The following KIAA1328 variants were observed in gnomAD, a reference collection of about 807,000 sequenced individuals.
KIAA1328 encodes KIAA1328.
Under a neutral mutation model 68.1 loss-of-function variants are expected in KIAA1328, and 52 were observed. The observed-to-expected ratio is 0.76, with a 90% confidence interval of 0.61 to 0.96. The LOEUF (loss-of-function observed/expected upper bound fraction) is 0.96, where lower values mean the gene tolerates loss of function less well. Ranked by LOEUF, KIAA1328 falls within the 40% of genes least tolerant of loss-of-function variation. KIAA1328 has a pLI of 0.00. For missense variants in KIAA1328, 641 were observed against 677.6 expected (o/e 0.95, Z 0.60); for synonymous variants, 232 against 239.4 (o/e 0.97, Z 0.28).
intron 5 of KIAA1328, among the ~76,000 whole-genome samples, chr18:36,903,865 G>A (rs373749312): frequency 7.2e-5 from 11 of 152,170 alleles, no homozygotes; most frequent in African/African-American, 2.6e-4. Flanking sequence ...TACAAGCATA[G>A]TCTATGGGTT....
intron 5 of KIAA1328, among the ~76,000 whole-genome samples, chr18:36,904,589 A>G (rs990073761): frequency 6.6e-6 from 1 of 152,102 alleles, no homozygotes; most frequent in South Asian, 2.1e-4. Flanking sequence ...TATATGCTAT[A>G]ACTTTTAAAC....
intron 5 of KIAA1328, among the ~76,000 whole-genome samples, chr18:36,910,203 A>G (rs934147583): frequency 2.6e-5 from 4 of 152,034 alleles, no homozygotes; most frequent in African/African-American, 7.2e-5. Flanking sequence ...GCCCATGCCT[A>G]TGTCCTGAAT....
At chr18:37,002,357 T>A (rs2053622477) in intron 6 of KIAA1328, among the ~76,000 whole-genome samples, 1 of 151,136 alleles carries the variant, frequency 6.6e-6, no homozygotes, top group Admixed American at 6.6e-5. Context: ...CATAGGCATG[T>A]GCTACCATGT....
At chr18:36,852,717 A>G (rs914085581) in intron 4 of KIAA1328, among the ~76,000 whole-genome samples, 2 of 152,098 alleles carry the variant, frequency 1.3e-5, no homozygotes, top group African/African-American at 4.8e-5. Context: ...TATCATTTCT[A>G]TGTTCATCCC....
At chr18:36,981,741 G>A (rs2052696171) in intron 6 of KIAA1328, among the ~76,000 whole-genome samples, 1 of 148,492 alleles carries the variant, frequency 6.7e-6, no homozygotes, top group African/African-American at 2.5e-5. Flanking sequence ...TGCACAACAC[G>A]ACACCTGGCT....
chr18:36,938,259 A>G (rs2050579878), intron 5 of KIAA1328, among the ~76,000 whole-genome samples: 2 of 152,118 alleles, frequency 1.3e-5, no homozygotes, highest in South Asian at 2.1e-4. Context: ...CCTCACCAGC[A>G]CTTGTTATCT....
intron 7 of KIAA1328, among the ~76,000 whole-genome samples, chr18:37,091,373 T>G (rs959857351): frequency 6.6e-6 from 1 of 152,158 alleles, no homozygotes. Context: ...AAAAGTGAAG[T>G]AAATCACCAC....
At position 37,066,962 on chromosome 18, in the gene KIAA1328, C is replaced by G. The variant is rs1195238825; in HGVS notation, c.649C>G (p.Pro217Ala). The change falls in exon 7 of 10, where the codon CCA (proline) becomes GCA (alanine). Residue 217 changes from proline to alanine, a missense_variant. By Grantham distance (27) the Pro-to-Ala change is conservative (BLOSUM62 -1). Coordinates refer to ENST00000280020, the MANE Select transcript of KIAA1328 (RefSeq NM_020776.3). Reference sequence around the variant, plus strand: ...TGGTTCCTACTTGAGCATAGCCAGACCACAGACCTACTATCAAACCAAGCA... The same window carrying G: ...TGGTTCCTACTTGAGCATAGCCAGAGCACAGACCTACTATCAAACCAAGCA... ...LDGSYLSIAR[P>A]QTYYQTKQRP... 6.2e-7 allele frequency: 1 copy of G among 1,612,802 alleles called. No individual in the cohort carries two copies.
At chr18:37,053,292 A>G (rs2055775958) in intron 6 of KIAA1328, among the ~76,000 whole-genome samples, 1 of 152,212 alleles carries the variant, frequency 6.6e-6, no homozygotes. Flanking sequence ...TATGCAGAGG[A>G]AAGAAACTGG....
In KIAA1328 at chr18:37,077,045, A is replaced by G. The variant is rs2056764479; in HGVS notation, c.1232+9500A>G. Among the ~76,000 whole-genome samples, 3 of 152,120 alleles carry G rather than the reference A, an allele frequency of 2.0e-5. No individual in the cohort carries two copies. In the South Asian group the frequency reaches 6.2e-4, roughly 31 times the overall value. On this transcript the variant is annotated intron_variant, in intron 7 of 9. Transcript: ENST00000280020. The stretch of plus-strand genomic sequence containing the variant: ...AGACACAACCAAAAAAGAGAATTTT[A>G]GACCAATATCCTTGATGAACATTGC...
Position 37,222,413 on chromosome 18 carries a change from T to G in KIAA1328, c.*186T>G, listed in dbSNP as rs542567995. 2.3e-5 allele frequency: 33 copies of G among 1,429,964 alleles called. No homozygotes were observed. In the South Asian group the frequency reaches 4.8e-4, roughly 21 times the overall value. 88.6% of individuals were successfully genotyped at this position (1,429,964 alleles called of 1,614,324 possible). On this transcript the variant is annotated 3_prime_UTR_variant, in exon 10 of 10. Transcript: ENST00000280020. ...AGGTTATTTTCAATCAGACCAGGCA[T>G]TCGATAACACACTAAGGGGGTAGGA...
intron 7 of KIAA1328, among the ~76,000 whole-genome samples, chr18:37,149,235 A>C (rs2058974790): frequency 1.3e-5 from 2 of 152,202 alleles, no homozygotes; most frequent in African/African-American, 4.8e-5. Flanking sequence ...ATGGAACAGA[A>C]TAGAAGACAC....
chr18:36,927,519 GGCAGATCACTTGA>G (rs1431803570), intron 5 of KIAA1328, among the ~76,000 whole-genome samples: 1 of 152,168 alleles, frequency 6.6e-6, no homozygotes, highest in Non-Finnish European at 1.5e-5. Context: ...GGCTGCTACA[GGCAGATCACTTGA>G]GCTCAGGTGT....
intron 4 of KIAA1328, among the ~76,000 whole-genome samples, chr18:36,871,158 A>G (rs976320757): frequency 6.6e-6 from 1 of 152,146 alleles, no homozygotes; most frequent in Admixed American, 6.5e-5. Context: ...GGAATTTGAA[A>G]CCTACAGTGC....
intron 7 of KIAA1328, among the ~76,000 whole-genome samples, chr18:37,128,367 G>A (rs935437388): frequency 1.2e-4 from 19 of 152,152 alleles, no homozygotes; most frequent in African/African-American, 2.4e-4. Flanking sequence ...CCAGGTTCTC[G>A]GGAAGCTGAG....
At chr18:37,118,718 C>G (rs550222941) in intron 7 of KIAA1328, among the ~76,000 whole-genome samples, 23 of 152,260 alleles carry the variant, frequency 1.5e-4, no homozygotes, top group African/African-American at 5.3e-4. Flanking sequence ...TTTGGAACCT[C>G]TAGACCAACA....
chr18:37,126,868 A>C (rs2058404081), intron 7 of KIAA1328, among the ~76,000 whole-genome samples: 1 of 152,204 alleles, frequency 6.6e-6, no homozygotes, highest in Non-Finnish European at 1.5e-5. Flanking sequence ...CAACAAATGC[A>C]AAAAGTTGAC....
intron 7 of KIAA1328, chr18:37,084,428 T>A (rs1405582218): frequency 2.9e-6 from 1 of 349,874 alleles, no homozygotes; most frequent in Non-Finnish European, 5.0e-6. Context: ...TCCTACAACT[T>A]TGAGAGAATC....
chr18:36,919,275 C>T (rs901701722), intron 5 of KIAA1328, among the ~76,000 whole-genome samples: 4 of 152,142 alleles, frequency 2.6e-5, no homozygotes, highest in Non-Finnish European at 5.9e-5. Flanking sequence ...TGTCTAGTTT[C>T]ATTCTCTATA....
Sources: allele counts gnomAD v4.1 joint callset (sites outside exome capture counted in the v4.1 genomes callset), GRCh38; gene constraint gnomAD v4.1.1; transcripts MANE v1.5; gene names NCBI Gene and HGNC (gene_info 2026-07-23, HGNC 2026-07-21).